MARK1: variants seen among roughly 807,000 people sequenced by gnomAD.
MARK1 encodes serine/threonine-protein kinase MARK1.
A neutral mutation model predicts 96.3 loss-of-function variants in MARK1; 40 were observed. That is an observed-to-expected ratio of 0.42 (90% CI 0.32 to 0.54). The LOEUF (loss-of-function observed/expected upper bound fraction) is 0.54, where lower values mean the gene tolerates loss of function less well. Ranked by LOEUF, MARK1 falls within the 20% of genes least tolerant of loss-of-function variation. The probability of loss-of-function intolerance (pLI) is 0.16; values close to 1 mark genes in which losing one functional copy is unlikely to be tolerated. For missense variants in MARK1, 719 were observed against 984.6 expected, an observed-to-expected ratio of 0.73 and a Z score of 3.61; for synonymous variants, 317 against 341.2, an observed-to-expected ratio of 0.93 and a Z score of 0.78.
chr1:220,572,723 G>GT (rs1663558891), intron 1 of MARK1, among the ~76,000 whole-genome samples: 2 of 152,108 alleles, frequency 1.3e-5, no homozygotes, highest in Non-Finnish European at 2.9e-5. Context: ...AATGTGTACT[G>GT]TTTTGTATTT....
At chr1:220,655,403 TTA>T (rs1262564090) in intron 16 of MARK1, among the ~76,000 whole-genome samples, 1 of 152,182 alleles carries the variant, frequency 6.6e-6, no homozygotes, top group Non-Finnish European at 1.5e-5. Context: ...CTTAGATACG[TTA>T]TAGACTCTGA....
At chr1:220,573,157 G>C (rs577034384) in intron 1 of MARK1, among the ~76,000 whole-genome samples, 1 of 151,688 alleles carries the variant, frequency 6.6e-6, no homozygotes, top group Admixed American at 6.6e-5. Flanking sequence ...TGTTTGTTTT[G>C]GTATTTATCC....
At chr1:220,533,728 C>CT (rs1353819518) in intron 1 of MARK1, among the ~76,000 whole-genome samples, 1 of 152,144 alleles carries the variant, frequency 6.6e-6, no homozygotes, top group Non-Finnish European at 1.5e-5. Flanking sequence ...CTGTCTGTCT[C>CT]TATCTTGTGT....
At chr1:220,659,792 A>AT (rs879354530) in intron 17 of MARK1, among the ~76,000 whole-genome samples, 220 of 149,106 alleles carry the variant, frequency 1.5e-3, no homozygotes, top group Admixed American at 0.01. Context: ...CAGAAAACTA[A>AT]TTTTTTTTTT....
intron 3 of MARK1, among the ~76,000 whole-genome samples, chr1:220,587,489 C>T (rs767718729): frequency 3.3e-5 from 5 of 152,076 alleles, no homozygotes; most frequent in Non-Finnish European, 7.4e-5. Context: ...CTGCCTTAGC[C>T]TCCCAAGTAG....
At chr1:220,577,094 C>CAAACA (rs953616012) in intron 1 of MARK1, among the ~76,000 whole-genome samples, 14 of 151,840 alleles carry the variant, frequency 9.2e-5, no homozygotes, top group Admixed American at 4.6e-4. Context: ...TCCATCTCTA[C>CAAACA]AAACAAAACA....
chr1:220,625,424 A>T (rs1050385544), intron 9 of MARK1, among the ~76,000 whole-genome samples: 1 of 152,214 alleles, frequency 6.6e-6, no homozygotes, highest in African/African-American at 2.4e-5. Flanking sequence ...GATTGGGTTT[A>T]TGGTCCAGTG....
intron 9 of MARK1, among the ~76,000 whole-genome samples, chr1:220,629,762 A>T (rs1027073951): frequency 6.6e-6 from 1 of 152,216 alleles, no homozygotes; most frequent in Admixed American, 6.5e-5. Context: ...AGGTTCATCC[A>T]TGTTGTAACA....
At chr1:220,633,422 G>T (rs569152552) in intron 11 of MARK1, among the ~76,000 whole-genome samples, 67 of 152,144 alleles carry the variant, frequency 4.4e-4, no homozygotes, top group African/African-American at 1.6e-3. Flanking sequence ...TTATAATTCC[G>T]TAGTAACTGT....
intron 9 of MARK1, among the ~76,000 whole-genome samples, chr1:220,624,956 C>G (rs898330178): frequency 6.6e-6 from 1 of 152,204 alleles, no homozygotes; most frequent in Non-Finnish European, 1.5e-5. Flanking sequence ...GATTATACTT[C>G]TGGTTTCTTT....
In MARK1 at chr1:220,579,499, T is replaced by C; in HGVS notation, c.197T>C (p.Ile66Thr). Residue 66 changes from isoleucine (I) to threonine (T), a missense_variant, in exon 2 of 18, where the codon ATA (isoleucine) becomes ACA (threonine). This residue lies in a region of MARK1 where 105 missense variants were observed against 133.4 expected (regional missense o/e 0.79). Coordinates refer to ENST00000366917, the MANE Select transcript of MARK1 (RefSeq NM_018650.5). ...HIGNYRLQKT[I>T]GKGNFAKVKL... ...GGAAATTACCGTTTACAAAAAACAATAGGGAAGGGAAATTTTGCCAAAGTC... is the reference window on the plus strand; with the variant it reads ...GGAAATTACCGTTTACAAAAAACAACAGGGAAGGGAAATTTTGCCAAAGTC... The C allele has an allele frequency of 1.2e-6, 2 of 1,613,920 alleles. No individual in the cohort carries two copies. The highest frequency in any genetic ancestry group is 1.7e-6 in the Non-Finnish European group (2 of 1,179,950).
At chr1:220,611,607 G>T (rs1285790053) in intron 6 of MARK1, among the ~76,000 whole-genome samples, 5 of 152,198 alleles carry the variant, frequency 3.3e-5, no homozygotes, top group Non-Finnish European at 7.3e-5. Context: ...AGGTACCTCA[G>T]TTGGAAATAT....
chr1:220,648,095 A>G (rs1440809123), intron 13 of MARK1, among the ~76,000 whole-genome samples: 1 of 152,064 alleles, frequency 6.6e-6, no homozygotes, highest in Non-Finnish European at 1.5e-5. Flanking sequence ...ATTTTAAAAA[A>G]TAAGGGGAAG....
At chr1:220,546,120 C>G (rs1661473757) in intron 1 of MARK1, among the ~76,000 whole-genome samples, 1 of 152,200 alleles carries the variant, frequency 6.6e-6, no homozygotes, top group African/African-American at 2.4e-5. Context: ...TTGACCCTCT[C>G]ACTCTGCTCC....
At chr1:220,635,608 G>C in intron 12 of MARK1, 79 bp downstream of exon 12, 1 of 1,442,678 alleles carries the variant, frequency 6.9e-7, no homozygotes, top group Non-Finnish European at 9.4e-7. Context: ...GTACATTCAC[G>C]TCTCTATGTG....
chr1:220,585,235 T>C (rs1431012524), intron 3 of MARK1, among the ~76,000 whole-genome samples: 1 of 152,216 alleles, frequency 6.6e-6, no homozygotes, highest in African/African-American at 2.4e-5. Context: ...AGCAAAATGC[T>C]TTTAATTTTG....
At chr1:220,632,420 A>G (rs746498325) in intron 11 of MARK1, 107 bp downstream of exon 11, 47 of 490,718 alleles carry the variant, frequency 9.6e-5, no homozygotes, top group Non-Finnish European at 1.6e-4. Context: ...CTACCCTAAC[A>G]TTCTTATTTA....
intron 1 of MARK1, among the ~76,000 whole-genome samples, chr1:220,558,961 A>G (rs1446425176): frequency 1.3e-5 from 2 of 152,194 alleles, no homozygotes; most frequent in Non-Finnish European, 2.9e-5. Context: ...GGAATTGAAA[A>G]TTAATCAGCT....
At chr1:220,661,701 G>A in intron 17 of MARK1, 111 bp from the exon 18 acceptor site, 1 of 736,926 alleles carries the variant, frequency 1.4e-6, no homozygotes, top group African/African-American at 1.8e-5. Flanking sequence ...CTGCAAATTA[G>A]GTAGTGTTAT....
Sources: allele counts gnomAD v4.1 joint callset (sites outside exome capture counted in the v4.1 genomes callset), GRCh38; gene constraint gnomAD v4.1.1; regional missense constraint gnomAD v4.1.1; transcripts MANE v1.5; gene names NCBI Gene and HGNC (gene_info 2026-07-23, HGNC 2026-07-21).